The following FBXW7 variants were observed in gnomAD, a reference collection of about 807,000 sequenced individuals.
FBXW7 encodes the protein F-box/WD repeat-containing protein 7.
Under a neutral mutation model 86.3 loss-of-function variants are expected in FBXW7, and 11 were observed. The observed-to-expected ratio is 0.13, with a 90% CI of 0.08 to 0.21. The LOEUF (loss-of-function observed/expected upper bound fraction) is 0.21, where lower values mean the gene tolerates loss of function less well. Ranked by LOEUF, FBXW7 falls within the 10% of genes least tolerant of loss-of-function variation. The pLI is 1.00. For missense variants in FBXW7, 488 were observed against 847.4 expected (o/e 0.58, Z 5.27); for synonymous variants, 313 against 297.9 (o/e 1.05, Z -0.52).
At chr4:152,476,465 A>T (rs2149661813) in intron 2 of FBXW7, among the ~76,000 whole-genome samples, 1 of 152,314 alleles carries the variant, frequency 6.6e-6, no homozygotes, top group South Asian at 2.1e-4. Flanking sequence ...CCTGATAGTA[A>T]TCAAAATTAG....
chr4:152,521,449 T>A (rs1007707459), intron 2 of FBXW7, among the ~76,000 whole-genome samples: 1 of 152,266 alleles, frequency 6.6e-6, no homozygotes, highest in African/African-American at 2.4e-5. Flanking sequence ...TTAAAGTACA[T>A]ACATGCTGTA....
intron 5 of FBXW7, among the ~76,000 whole-genome samples, chr4:152,349,299 T>A (rs1731571997): frequency 7.4e-6 from 1 of 135,774 alleles, no homozygotes; most frequent in Non-Finnish European, 1.5e-5. Context: ...ATACAAAAAA[T>A]TCTGTTTTAA....
chr4:152,531,982 T>C (rs567249527), intron 2 of FBXW7, among the ~76,000 whole-genome samples: 4 of 152,196 alleles, frequency 2.6e-5, no homozygotes, highest in Non-Finnish European at 4.4e-5. Context: ...TCAACTCTTA[T>C]CCACTTCTAA....
At chr4:152,450,946 CTTATA>C (rs1741849579) in intron 2 of FBXW7, among the ~76,000 whole-genome samples, 1 of 152,232 alleles carries the variant, frequency 6.6e-6, no homozygotes, top group South Asian at 2.1e-4. Context: ...TCCCTTGGAT[CTTATA>C]TTAATTATAA....
intron 4 of FBXW7, among the ~76,000 whole-genome samples, chr4:152,396,553 A>G (rs1398729470): frequency 6.6e-6 from 1 of 152,058 alleles, no homozygotes; most frequent in Non-Finnish European, 1.5e-5. Flanking sequence ...CAATCCATCA[A>G]TAGCATCTAT....
At chr4:152,328,182 C>G (rs1220927049) in intron 11 of FBXW7, 26 bp downstream of exon 11, 1 of 1,570,752 alleles carries the variant, frequency 6.4e-7, no homozygotes, top group Admixed American at 1.9e-5. Flanking sequence ...GGAAGAAGTC[C>G]CAACCATGAC....
intron 2 of FBXW7, among the ~76,000 whole-genome samples, chr4:152,532,709 A>G (rs1248186113): frequency 1.3e-5 from 2 of 152,198 alleles, no homozygotes; most frequent in African/African-American, 4.8e-5. Flanking sequence ...ATATATTCAC[A>G]TCTATAAGTT....
intron 4 of FBXW7, among the ~76,000 whole-genome samples, chr4:152,410,215 C>A (rs1463550854): frequency 6.6e-6 from 1 of 152,122 alleles, no homozygotes; most frequent in Non-Finnish European, 1.5e-5. Context: ...ATTCCTCTAA[C>A]TGAACCCTCA....
intron 11 of FBXW7, 66 bp downstream of exon 11, chr4:152,328,142 C>T (rs868485799): frequency 1.5e-6 from 2 of 1,371,932 alleles, no homozygotes; most frequent in South Asian, 1.4e-5. Flanking sequence ...TAACTCTACA[C>T]AGAAAGGGCC....
At chr4:152,474,285 T>C (rs963294169) in intron 2 of FBXW7, among the ~76,000 whole-genome samples, 1 of 152,250 alleles carries the variant, frequency 6.6e-6, no homozygotes, top group African/African-American at 2.4e-5. Flanking sequence ...TAATGAAGAC[T>C]GCTCATGAAT....
intron 2 of FBXW7, among the ~76,000 whole-genome samples, chr4:152,443,591 C>A (rs1173354342): frequency 6.6e-6 from 1 of 152,218 alleles, no homozygotes; most frequent in Non-Finnish European, 1.5e-5. Flanking sequence ...CTTTTAAGAA[C>A]CCAATTCTTT....
Position 152,437,378 on chromosome 4 carries a change from C to CA in FBXW7, c.-119-24850dup, listed in dbSNP as rs752037515. 5.7e-3 allele frequency among the ~76,000 whole-genome samples: 721 copies of CA among 127,504 alleles called. 5 individuals carry two copies. Among genetic ancestry groups the CA allele is most frequent in the African/African-American group, 0.011 (363 of 34,138 alleles). The allele number at this position is 127,504 out of a possible 152,430, so 83.6% of individuals were successfully genotyped here. ...TGGGAGACAGAGCCAGACTCCATCT[C>CA]AAAAAAAAAAAAAATTCAGTGGCGG... On this transcript the variant is annotated intron_variant, in intron 2 of 13. Transcript: ENST00000281708.
At chr4:152,525,035 A>G (rs1749382536) in intron 2 of FBXW7, among the ~76,000 whole-genome samples, 1 of 152,222 alleles carries the variant, frequency 6.6e-6, no homozygotes, top group Non-Finnish European at 1.5e-5. Flanking sequence ...ACTAGAGAGA[A>G]CATGCTCTTC....
rs1180133305 is a variant in FBXW7, at chr4:152,535,440, C to G, written c.-526G>C. The G allele has an allele frequency of 2.6e-6, 1 of 390,042 alleles. No individual in the cohort carries two copies. The highest frequency in any genetic ancestry group is 4.5e-6 in the Non-Finnish European group (1 of 221,008). 24.2% of individuals were successfully genotyped at this position (390,042 alleles called of 1,614,324 possible). A position where few individuals can be genotyped will look rare whatever the true frequency, so the allele number is the denominator to read the frequency against. ...GTGAGGAAAGGACGGCGGCGTCGGT[C>G]CTGTTCTCTCCGCCGCCCCAGCCGC... On this transcript the variant is annotated 5_prime_UTR_variant, in exon 1 of 14. Coordinates refer to ENST00000281708, the MANE Select transcript of FBXW7 (RefSeq NM_001349798.2).
intron 2 of FBXW7, among the ~76,000 whole-genome samples, chr4:152,500,478 G>T (rs976988891): frequency 2.5e-5 from 3 of 118,500 alleles, no homozygotes; most frequent in African/African-American, 1.0e-4. Flanking sequence ...ATTCCTGAAG[G>T]TTTTGCTGCT....
chr4:152,401,108 T>C (rs1432601316), intron 4 of FBXW7, among the ~76,000 whole-genome samples: 3 of 152,214 alleles, frequency 2.0e-5, no homozygotes, highest in East Asian at 1.9e-4. Flanking sequence ...CAAAAGTATA[T>C]AGACACTTTG....
rs570934993 is a variant in FBXW7, at chr4:152,470,007, T to A, written c.-119-57478A>T. Among the ~76,000 whole-genome samples the A allele has an allele frequency of 5.3e-5, 8 of 152,136 alleles. No individual in the cohort carries two copies. The East Asian group carries it at 7.7e-4, about 15-fold the overall frequency. On this transcript the variant is annotated intron_variant, in intron 2 of 13. Coordinates refer to ENST00000281708, the MANE Select transcript of FBXW7 (RefSeq NM_001349798.2). ...AGATTCCCTATATAATAAAATTTTT[T>A]AAAAAAGAAGATGAAACCATTTTCA...
At chr4:152,444,846 G>C (rs1057137271) in intron 2 of FBXW7, among the ~76,000 whole-genome samples, 1 of 152,048 alleles carries the variant, frequency 6.6e-6, no homozygotes, top group Non-Finnish European at 1.5e-5. Flanking sequence ...TACTTTCTTT[G>C]TTTGAGACAG....
At chr4:152,449,811 C>T (rs1267217101) in intron 2 of FBXW7, among the ~76,000 whole-genome samples, 1 of 152,176 alleles carries the variant, frequency 6.6e-6, no homozygotes, top group East Asian at 1.9e-4. Flanking sequence ...TGTAATTAAT[C>T]CACATTACAA....
Sources: gnomAD v4.1 joint callset for allele counts (sites outside exome capture counted in the v4.1 genomes callset) on GRCh38, gnomAD v4.1.1 for gene constraint, MANE v1.5 for transcripts, NCBI Gene and HGNC (gene_info 2026-07-23, HGNC 2026-07-21) for gene names.